Variants in IKBKB observed in about 807,000 individuals in gnomAD.
IKBKB encodes inhibitor of nuclear factor kappa-B kinase subunit beta.
IKBKB carries 42 observed loss-of-function variants against 113.6 expected under a neutral mutation model. The ratio of observed to expected loss-of-function variants is 0.37; its 90% CI spans 0.29 to 0.48. IKBKB has a LOEUF of 0.48. IKBKB is among the 20% of genes least tolerant of loss of function. IKBKB has a pLI of 0.99. For synonymous variants in IKBKB, 296 were observed against 361.3 expected (o/e 0.82, Z 2.05); for missense variants, 673 against 939.7 (o/e 0.72, Z 3.71).
chr8:42,330,108 A>G (rs1466749850), intron 21 of IKBKB: 7 of 985,312 alleles, frequency 7.1e-6, no homozygotes, highest in Non-Finnish European at 7.2e-6. Flanking sequence ...AGGCCAAGTC[A>G]TGTGGTGAGG....
At position 42,322,106 on chromosome 8, in the gene IKBKB, A is replaced by C; in HGVS notation, c.1791A>C (p.Ala597=). Reference sequence around the variant, plus strand: ...AAATGGTACGGCTGCTGCTTCAGGCAATTCAGAGCTTCGAGAAGAAAGTGC... The same window carrying C: ...AAATGGTACGGCTGCTGCTTCAGGCCATTCAGAGCTTCGAGAAGAAAGTGC... The part of the protein sequence containing the change: ...SQEMVRLLLQ[A]IQSFEKKVRV... The change falls in exon 18 of 22, where the codon GCA becomes GCC. Residue 597 remains alanine (A), a synonymous_variant. Coordinates refer to ENST00000520810, the MANE Select transcript of IKBKB (RefSeq NM_001556.3). The C allele has an allele frequency of 6.2e-7, 1 of 1,613,888 alleles. No homozygotes were observed. Among genetic ancestry groups the C allele is most frequent in the South Asian group, 1.1e-5 (1 of 91,070 alleles).
chr8:42,303,754 A>G (rs1815924092), intron 5 of IKBKB, among the ~76,000 whole-genome samples: 1 of 152,156 alleles, frequency 6.6e-6, no homozygotes. Flanking sequence ...TGATTCGCCC[A>G]CGTTGGCCTC....
intron 9 of IKBKB, among the ~76,000 whole-genome samples, chr8:42,315,274 T>A (rs532192375): frequency 6.6e-6 from 1 of 152,356 alleles, no homozygotes; most frequent in African/African-American, 2.4e-5. Flanking sequence ...TGGATAATGA[T>A]TACCATATTT....
chr8:42,299,005 G>C (rs965016956), intron 5 of IKBKB, among the ~76,000 whole-genome samples: 13 of 152,134 alleles, frequency 8.5e-5, no homozygotes, highest in African/African-American at 3.1e-4. Flanking sequence ...CTTGTGGCCT[G>C]TTTCTCACCA....
chr8:42,320,454 A>T, intron 15 of IKBKB: 1 of 355,922 alleles, frequency 2.8e-6, no homozygotes, highest in Non-Finnish European at 5.2e-6. Context: ...TAAGTACTTC[A>T]TCTTACTTGA....
intron 3 of IKBKB, among the ~76,000 whole-genome samples, chr8:42,289,193 C>T (rs1411884333): frequency 2.0e-5 from 3 of 152,138 alleles, no homozygotes; most frequent in African/African-American, 4.8e-5. Context: ...CCAGCCTGGG[C>T]AACAGAGCGA....
chr8:42,292,885 C>G (rs943415933), intron 4 of IKBKB, among the ~76,000 whole-genome samples: 2 of 152,202 alleles, frequency 1.3e-5, no homozygotes, highest in East Asian at 1.9e-4. Context: ...GGATTCCACC[C>G]GTACTTACTC....
intron 20 of IKBKB, among the ~76,000 whole-genome samples, chr8:42,327,610 G>A (rs1468807934): frequency 6.6e-6 from 1 of 150,920 alleles, no homozygotes; most frequent in Non-Finnish European, 1.5e-5. Flanking sequence ...TGGGATTACA[G>A]GCATGAGCCA....
At chr8:42,330,302 G>A in intron 21 of IKBKB, 1 of 983,820 alleles carries the variant, frequency 1.0e-6, no homozygotes, top group Non-Finnish European at 1.2e-6. Context: ...GTACCCTGCA[G>A]TCACAAGATT....
At chr8:42,273,924 A>G (rs970296331) in intron 2 of IKBKB, among the ~76,000 whole-genome samples, 11 of 152,184 alleles carry the variant, frequency 7.2e-5, no homozygotes, top group Middle Eastern at 3.2e-3. Flanking sequence ...TTGATACATA[A>G]TGTGTAATGA....
At chr8:42,289,550 C>A (rs1812137286) in intron 3 of IKBKB, among the ~76,000 whole-genome samples, 1 of 152,130 alleles carries the variant, frequency 6.6e-6, no homozygotes, top group African/African-American at 2.4e-5. Flanking sequence ...GCTGCTGACC[C>A]CCTAGCTAGT....
chr8:42,279,506 C>T (rs911946293), intron 2 of IKBKB, among the ~76,000 whole-genome samples: 4 of 152,240 alleles, frequency 2.6e-5, no homozygotes, highest in African/African-American at 9.6e-5. Context: ...GCATCATTTA[C>T]TGAGAACCTG....
chr8:42,302,425 G>C (rs1815409761), intron 5 of IKBKB, among the ~76,000 whole-genome samples: 1 of 152,204 alleles, frequency 6.6e-6, no homozygotes, highest in Admixed American at 6.5e-5. Context: ...AGTATGATAT[G>C]TTGGAACCAC....
In IKBKB at chr8:42,331,607, A is replaced by T. The variant is rs1821693984; in HGVS notation, c.*628A>T. 8.5e-6 allele frequency: 5 copies of T among 586,954 alleles called. No individual in the cohort carries two copies. Among genetic ancestry groups the T allele is most frequent in the African/African-American group, 7.5e-5 (4 of 53,568 alleles). The allele number at this position is 586,954 out of a possible 1,614,324, so 36.4% of individuals were successfully genotyped here. On this transcript the variant is annotated 3_prime_UTR_variant, in exon 22 of 22. Transcript: ENST00000520810. ...TGCTGCTAAAATTGTGTTTTTACCT[A>T]CTACTTTGGTGGTTGTCCTCTTTTC...
intron 16 of IKBKB, 66 bp from the exon 17 acceptor site, chr8:42,321,830 C>CA (rs889031412): frequency 2.4e-6 from 3 of 1,234,914 alleles, no homozygotes; most frequent in African/African-American, 1.5e-5. Context: ...CTACCTCTAC[C>CA]AAAAAAATGT....
rs199631744 is a variant in IKBKB, at chr8:42,318,681, G to A, written c.1364+6G>A. On this transcript the variant is annotated splice_donor_region_variant and intron_variant, in intron 13 of 21. Transcript: ENST00000520810. ...CAGGGACAGCGAGCCGCCATGTAGC[G>A]TGCCAGGCTTTTTTTTTAAACTTAA... is the stretch of plus-strand genomic sequence containing the variant. 3.5e-5 allele frequency: 55 copies of A among 1,581,080 alleles called. No individual in the cohort carries two copies. The highest frequency in any genetic ancestry group is 1.4e-4 in the African/African-American group (10 of 73,058).
At chr8:42,282,973 G>A (rs1455063898) in intron 2 of IKBKB, among the ~76,000 whole-genome samples, 1 of 152,210 alleles carries the variant, frequency 6.6e-6, no homozygotes, top group African/African-American at 2.4e-5. Context: ...AAGCTGAGCT[G>A]TCTGTGAGTA....
At chr8:42,297,512 C>T (rs1003452608) in intron 5 of IKBKB, among the ~76,000 whole-genome samples, 1 of 152,206 alleles carries the variant, frequency 6.6e-6, no homozygotes, top group Non-Finnish European at 1.5e-5. Context: ...GAGACACCCG[C>T]TCAGAACAGT....
chr8:42,299,954 C>T (rs762022255), intron 5 of IKBKB, among the ~76,000 whole-genome samples: 3 of 152,172 alleles, frequency 2.0e-5, no homozygotes, highest in African/African-American at 2.4e-5. Flanking sequence ...GGCTGACTTC[C>T]GGGTTTGGGG....
Sources: gnomAD v4.1 joint callset for allele counts (sites outside exome capture counted in the v4.1 genomes callset) on GRCh38, gnomAD v4.1.1 for gene constraint, MANE v1.5 for transcripts, NCBI Gene and HGNC (gene_info 2026-07-23, HGNC 2026-07-21) for gene names.